FBXL4: variants seen among roughly 807,000 people sequenced by gnomAD.
FBXL4 encodes F-box/LRR-repeat protein 4.
FBXL4 carries 40 observed loss-of-function variants against 58.9 expected under a neutral mutation model. That is an observed-to-expected ratio of 0.68 (90% CI 0.53 to 0.88). The LOEUF (loss-of-function observed/expected upper bound fraction) is 0.88. Ranked by LOEUF, FBXL4 falls within the 40% of genes least tolerant of loss-of-function variation. The probability of loss-of-function intolerance (pLI) is 0.00; values close to 1 mark genes in which losing one functional copy is unlikely to be tolerated. For synonymous variants in FBXL4, 263 were observed against 265.5 expected, an observed-to-expected ratio of 0.99 and a Z score of 0.09; for missense variants, 676 against 734.4, an observed-to-expected ratio of 0.92 and a Z score of 0.92.
In FBXL4 at chr6:98,909,599, A is replaced by G. The variant is rs141875333; in HGVS notation, c.859-3929T>C. Among the ~76,000 whole-genome samples, 839 of 152,270 alleles carry G rather than the reference A, an allele frequency of 5.5e-3. 2 individuals carry two copies. Among genetic ancestry groups the G allele is most frequent in the Non-Finnish European group, 9.0e-3 (610 of 68,018 alleles). On this transcript the variant is annotated intron_variant, in intron 5 of 9. Coordinates refer to ENST00000369244, the MANE Select transcript of FBXL4 (RefSeq NM_001278716.2). ...ATGTATTTGCTGAAATTATATTTCT[A>G]TTTTACAGTTTTTGCAAGTGGGTAA...
At chr6:98,900,954 G>T (rs962833746) in intron 6 of FBXL4, among the ~76,000 whole-genome samples, 2 of 152,040 alleles carry the variant, frequency 1.3e-5, no homozygotes, top group Non-Finnish European at 2.9e-5. Context: ...TAGCTAAACT[G>T]CAGTCTACAT....
intron 1 of FBXL4, among the ~76,000 whole-genome samples, chr6:98,936,972 G>A (rs1187875050): frequency 3.3e-5 from 5 of 152,116 alleles, no homozygotes; most frequent in Admixed American, 2.6e-4. Context: ...GTTGACCCTT[G>A]AACAATGTAT....
intron 7 of FBXL4, 63 bp from the exon 8 acceptor site, chr6:98,880,687 G>T: frequency 7.2e-7 from 1 of 1,385,530 alleles, no homozygotes; most frequent in South Asian, 1.2e-5. Flanking sequence ...ACAAAGAGAA[G>T]AGGTCAATTA....
intron 1 of FBXL4, among the ~76,000 whole-genome samples, chr6:98,946,201 A>G (rs527284061): frequency 6.6e-6 from 1 of 152,204 alleles, no homozygotes; most frequent in Admixed American, 6.5e-5. Flanking sequence ...ACCGTTCAGA[A>G]AGTCCCAAGA....
chr6:98,938,305 G>A (rs1773300163), intron 1 of FBXL4, among the ~76,000 whole-genome samples: 1 of 152,018 alleles, frequency 6.6e-6, no homozygotes, highest in East Asian at 1.9e-4. Flanking sequence ...TGTATAGTAA[G>A]CCTTAAAGTT....
chr6:98,913,895 A>T (rs912986055), intron 5 of FBXL4, among the ~76,000 whole-genome samples: 26 of 152,100 alleles, frequency 1.7e-4, no homozygotes, highest in African/African-American at 5.8e-4. Flanking sequence ...TTTTGAAAGG[A>T]TCAACAAAAT....
chr6:98,872,218 C>G lies in FBXL4; in HGVS notation c.*2060G>C, dbSNP rs1770509250. 6.6e-6 allele frequency: 1 copy of G among 152,150 alleles called. No individual in the cohort carries two copies. The highest frequency in any genetic ancestry group is 1.5e-5 in the Non-Finnish European group (1 of 68,016). 9.4% of individuals were successfully genotyped at this position (152,150 alleles called of 1,614,324 possible). The stretch of plus-strand genomic sequence containing the variant: ...TTTCCATTTTTCAAAATCAATTTAA[C>G]AGTGCAATTGAGGAGCTTCTGCCTA... On this transcript the variant is annotated 3_prime_UTR_variant, in exon 10 of 10. Transcript: ENST00000369244.
intron 5 of FBXL4, among the ~76,000 whole-genome samples, chr6:98,909,863 G>A (rs1441960710): frequency 1.3e-5 from 2 of 152,168 alleles, no homozygotes; most frequent in East Asian, 3.9e-4. Flanking sequence ...ATGGCTTAAA[G>A]ACCAAATTAA....
chr6:98,946,905 G>A (rs1384032487), intron 1 of FBXL4, among the ~76,000 whole-genome samples: 2 of 152,180 alleles, frequency 1.3e-5, no homozygotes, highest in East Asian at 3.8e-4. Flanking sequence ...ACAGGATAAT[G>A]GAGGCAGGAA....
At chr6:98,917,074 T>C (rs920988995) in intron 5 of FBXL4, among the ~76,000 whole-genome samples, 4 of 152,158 alleles carry the variant, frequency 2.6e-5, no homozygotes, top group Non-Finnish European at 5.9e-5. Flanking sequence ...TAAAGTGTAA[T>C]ATGAATTAAA....
chr6:98,886,304 G>GA (rs1771037678), intron 7 of FBXL4, among the ~76,000 whole-genome samples: 1 of 151,928 alleles, frequency 6.6e-6, no homozygotes. Flanking sequence ...GAGAGAGAGA[G>GA]ATTTATTGAT....
chr6:98,883,477 GT>G (rs1235292577), intron 7 of FBXL4, among the ~76,000 whole-genome samples: 3 of 151,468 alleles, frequency 2.0e-5, no homozygotes, highest in African/African-American at 7.3e-5. Flanking sequence ...GTATCCTGTT[GT>G]TTTTTCCAAA....
chr6:98,936,945 T>A (rs1428060922), intron 1 of FBXL4, among the ~76,000 whole-genome samples: 1 of 152,216 alleles, frequency 6.6e-6, no homozygotes, highest in Non-Finnish European at 1.5e-5. Context: ...TTATTCTGAA[T>A]CAAATCCCAT....
chr6:98,898,231 G>A (rs948281472), intron 7 of FBXL4: 2 of 935,556 alleles, frequency 2.1e-6, no homozygotes, highest in Non-Finnish European at 2.5e-6. Context: ...AAAGCCCTGA[G>A]CTGGGACCAG....
intron 6 of FBXL4, among the ~76,000 whole-genome samples, chr6:98,903,466 G>A (rs1436202044): frequency 2.0e-5 from 3 of 152,134 alleles, no homozygotes; most frequent in Non-Finnish European, 4.4e-5. Context: ...AGTAAAATAT[G>A]AGAACTTAAA....
At chr6:98,905,751 G>T in intron 5 of FBXL4, 81 bp from the exon 6 acceptor site, 1 of 1,330,462 alleles carries the variant, frequency 7.5e-7, no homozygotes, top group Non-Finnish European at 1.0e-6. Context: ...ATCTAATAAG[G>T]AATAAAAGTG....
At chr6:98,903,468 G>A (rs1171435232) in intron 6 of FBXL4, among the ~76,000 whole-genome samples, 2 of 152,090 alleles carry the variant, frequency 1.3e-5, no homozygotes, top group African/African-American at 4.8e-5. Flanking sequence ...TAAAATATGA[G>A]AACTTAAATT....
Position 98,927,037 on chromosome 6 carries a change from T to C in FBXL4, c.-49A>G, listed in dbSNP as rs1315438962. The C allele has an allele frequency of 1.9e-6, 3 of 1,555,034 alleles. No homozygotes were observed. The highest frequency in any genetic ancestry group is 1.4e-5 in the African/African-American group (1 of 72,860). ...AAAAGGTCAGGTGTCCTCAGTAAGA[T>C]GCATGAACTCTTTGAAGGATGTTCT... On this transcript the variant is annotated 5_prime_UTR_variant, in exon 4 of 10. Transcript: ENST00000369244.
chr6:98,915,116 C>T (rs373434874), intron 5 of FBXL4, among the ~76,000 whole-genome samples: 203 of 152,026 alleles, frequency 1.3e-3, no homozygotes, highest in African/African-American at 4.2e-3. Flanking sequence ...TTACAAGGGA[C>T]GTGAAGGACC....
Sources: allele counts gnomAD v4.1 joint callset (sites outside exome capture counted in the v4.1 genomes callset), GRCh38; gene constraint gnomAD v4.1.1; transcripts MANE v1.5; gene names NCBI Gene and HGNC (gene_info 2026-07-23, HGNC 2026-07-21).